Variants in CNTN4 observed in about 807,000 individuals in gnomAD.
CNTN4 encodes the protein contactin 4.
CNTN4 carries 77 observed loss-of-function variants against 122.5 expected under a neutral mutation model. The ratio of observed to expected loss-of-function variants is 0.63; its 90% CI spans 0.52 to 0.76. CNTN4 has a LOEUF of 0.76. CNTN4 is among the 30% of genes least tolerant of loss of function. The pLI, the probability that CNTN4 is intolerant of heterozygous loss-of-function variation, is 0.00. For synonymous variants in CNTN4, 512 were observed against 447.0 expected, an observed-to-expected ratio of 1.15 and a Z score of -1.83; for missense variants, 1,256 against 1,259.1, an observed-to-expected ratio of 1.00 and a Z score of 0.04.
At chr3:2,729,302 C>T (rs564289553) in intron 4 of CNTN4, among the ~76,000 whole-genome samples, 20 of 152,136 alleles carry the variant, frequency 1.3e-4, no homozygotes, top group Non-Finnish European at 2.2e-4. Flanking sequence ...CGGTGGCTCA[C>T]GCCTGTAATC....
At chr3:2,666,252 A>C (rs1279635490) in intron 4 of CNTN4, among the ~76,000 whole-genome samples, 7 of 152,186 alleles carry the variant, frequency 4.6e-5, no homozygotes, top group Non-Finnish European at 1.0e-4. Flanking sequence ...TGGGTATTAG[A>C]ATAACGGGTT....
chr3:2,249,883 A>G (rs1002293406), intron 2 of CNTN4, among the ~76,000 whole-genome samples: 3 of 151,854 alleles, frequency 2.0e-5, no homozygotes, highest in Non-Finnish European at 4.4e-5. Flanking sequence ...TATTGATTTT[A>G]GATTTTTTTC....
At chr3:2,223,286 A>G (rs1401516127) in intron 2 of CNTN4, among the ~76,000 whole-genome samples, 3 of 152,076 alleles carry the variant, frequency 2.0e-5, no homozygotes, top group Non-Finnish European at 4.4e-5. Context: ...AACCAGTTTA[A>G]TAACCCTCCC....
At chr3:2,527,108 GGT>G (rs1350877882) in intron 3 of CNTN4, among the ~76,000 whole-genome samples, 1 of 152,134 alleles carries the variant, frequency 6.6e-6, no homozygotes, top group Non-Finnish European at 1.5e-5. Flanking sequence ...CTGCAGTGTG[GGT>G]GCACTTGGGC....
At chr3:2,485,213 C>T (rs908798635) in intron 3 of CNTN4, among the ~76,000 whole-genome samples, 4 of 152,244 alleles carry the variant, frequency 2.6e-5, no homozygotes, top group Admixed American at 2.0e-4. Context: ...GGCTCCAGCG[C>T]GGCCGGAGCC....
chr3:2,854,382 C>A (rs2093595761), intron 7 of CNTN4, among the ~76,000 whole-genome samples: 1 of 139,382 alleles, frequency 7.2e-6, no homozygotes, highest in Non-Finnish European at 1.5e-5. Flanking sequence ...AAGAGATTTT[C>A]CTGCCTCAGC....
At chr3:2,683,353 C>CAT (rs1559383862) in intron 4 of CNTN4, among the ~76,000 whole-genome samples, 1 of 149,524 alleles carries the variant, frequency 6.7e-6, no homozygotes, top group African/African-American at 2.5e-5. Flanking sequence ...CACACACACA[C>CAT]GCAGGTGGAT....
At position 2,846,072 on chromosome 3, in the gene CNTN4, A is replaced by G. The variant is rs149540562; in HGVS notation, c.455-20680A>G. 9.1e-3 allele frequency among the ~76,000 whole-genome samples: 1,383 copies of G among 152,322 alleles called. 9 individuals carry two copies. The highest frequency in any genetic ancestry group is 0.013 in the Non-Finnish European group (879 of 68,016). On this transcript the variant is annotated intron_variant, in intron 7 of 24. Coordinates refer to ENST00000418658, the MANE Select transcript of CNTN4 (RefSeq NM_175607.3). ...TAAATAGATCTGGGAAATGCTGAATATTGGATTCTCCTCTTGGAGATTTTA... is the reference window on the plus strand; with the variant it reads ...TAAATAGATCTGGGAAATGCTGAATGTTGGATTCTCCTCTTGGAGATTTTA...
At chr3:2,360,480 A>G (rs1319223191) in intron 3 of CNTN4, among the ~76,000 whole-genome samples, 1 of 152,186 alleles carries the variant, frequency 6.6e-6, no homozygotes, top group Non-Finnish European at 1.5e-5. Flanking sequence ...ATATGAACAC[A>G]ATATTGCATA....
chr3:2,783,578 C>A (rs1418863605), intron 6 of CNTN4, among the ~76,000 whole-genome samples: 1 of 152,178 alleles, frequency 6.6e-6, no homozygotes, highest in Non-Finnish European at 1.5e-5. Context: ...GGCTTTTTCT[C>A]AGCAGGATCC....
chr3:2,372,946 C>A (rs950802432), intron 3 of CNTN4, among the ~76,000 whole-genome samples: 2 of 152,052 alleles, frequency 1.3e-5, no homozygotes, highest in Admixed American at 6.6e-5. Flanking sequence ...ACTTGGGAGG[C>A]TGAGGCACAA....
At chr3:2,166,914 G>A (rs1326587270) in intron 2 of CNTN4, among the ~76,000 whole-genome samples, 1 of 152,040 alleles carries the variant, frequency 6.6e-6, no homozygotes. Flanking sequence ...AGAAAGCTTC[G>A]ATAGTAGAGT....
intron 2 of CNTN4, among the ~76,000 whole-genome samples, chr3:2,249,136 GAAAAT>G (rs1356960148): frequency 4.0e-5 from 3 of 75,752 alleles, no homozygotes; most frequent in East Asian, 3.9e-4. Context: ...GTCAATTAAA[GAAAAT>G]AAAATAAATT....
rs559728670 is a variant in CNTN4, at chr3:2,840,588, A to G, written c.454+21007A>G. 2.0e-4 allele frequency among the ~76,000 whole-genome samples: 17 copies of G among 86,260 alleles called. 2 individuals carry two copies. The highest frequency in any genetic ancestry group is 5.0e-4 in the African/African-American group (15 of 29,844). The allele number at this position is 86,260 out of a possible 152,430, so 56.6% of individuals were successfully genotyped here. On this transcript the variant is annotated intron_variant, in intron 7 of 24. Transcript: ENST00000418658. ...GTGATGGGCGCCTGTAGTCCCAGCTACTCGGGAGGCTGAGGCGGGAGAATG... is the reference window on the plus strand; with the variant it reads ...GTGATGGGCGCCTGTAGTCCCAGCTGCTCGGGAGGCTGAGGCGGGAGAATG...
intron 6 of CNTN4, among the ~76,000 whole-genome samples, chr3:2,786,241 G>A (rs1429310740): frequency 6.6e-6 from 1 of 152,116 alleles, no homozygotes; most frequent in Non-Finnish European, 1.5e-5. Flanking sequence ...GAGTGCAGGT[G>A]CAAGAGGCTG....
At chr3:2,802,755 A>G (rs968384294) in intron 6 of CNTN4, among the ~76,000 whole-genome samples, 1 of 152,184 alleles carries the variant, frequency 6.6e-6, no homozygotes, top group African/African-American at 2.4e-5. Context: ...CCAGTAATGT[A>G]AATTGACTGT....
At chr3:2,248,500 C>A (rs1274091682) in intron 2 of CNTN4, among the ~76,000 whole-genome samples, 2 of 151,932 alleles carry the variant, frequency 1.3e-5, no homozygotes, top group African/African-American at 4.8e-5. Context: ...AGACACTGGT[C>A]TGAAAAAGCC....
In CNTN4 at chr3:2,445,257, A is replaced by C. The variant is rs532601457; in HGVS notation, c.-89+106024A>C. Among the ~76,000 whole-genome samples, 12 of 152,262 alleles carry C rather than the reference A, an allele frequency of 7.9e-5. No homozygotes were observed. In the South Asian group the frequency reaches 2.3e-3, roughly 29 times the overall value. ...TTTAGGGGGACTCTGGAGTCAGGAG[A>C]TGTGTTTGTGGCCTTGGTAACAGCC... On this transcript the variant is annotated intron_variant, in intron 3 of 24. Transcript: ENST00000418658.
intron 3 of CNTN4, among the ~76,000 whole-genome samples, chr3:2,546,535 A>G (rs2078252547): frequency 6.6e-6 from 1 of 152,096 alleles, no homozygotes; most frequent in Non-Finnish European, 1.5e-5. Context: ...CAGAAAAAAT[A>G]TTTGGTACTT....
Sources: gnomAD v4.1 joint callset for allele counts (sites outside exome capture counted in the v4.1 genomes callset) on GRCh38, gnomAD v4.1.1 for gene constraint, MANE v1.5 for transcripts, NCBI Gene and HGNC (gene_info 2026-07-23, HGNC 2026-07-21) for gene names.